The following PDE4D variants were observed in gnomAD, a reference collection of about 807,000 sequenced individuals.
The protein encoded by PDE4D is 3',5'-cyclic-AMP phosphodiesterase 4D.
A neutral mutation model predicts 87.4 loss-of-function variants in PDE4D; 24 were observed. The ratio of observed to expected loss-of-function variants is 0.27; its 90% CI spans 0.20 to 0.39. The LOEUF (loss-of-function observed/expected upper bound fraction) is 0.39, where lower values mean the gene tolerates loss of function less well. Among genes scored for constraint, PDE4D ranks in the 10% least tolerant of loss-of-function variants. The probability of loss-of-function intolerance (pLI) is 1.00; values close to 1 mark genes in which losing one functional copy is unlikely to be tolerated. For missense variants in PDE4D, 714 were observed against 1,041.0 expected (o/e 0.69, Z 4.32); for synonymous variants, 384 against 383.2 (o/e 1.00, Z -0.02).
chr5:59,468,207 A>G lies in PDE4D; in HGVS notation c.456-252239T>C, dbSNP rs148772725. On this transcript the variant is annotated intron_variant, in intron 1 of 14. Coordinates refer to ENST00000340635, the MANE Select transcript of PDE4D (RefSeq NM_001104631.2). The stretch of plus-strand genomic sequence containing the variant: ...TTTTCTTTTTACTTGCACGGCAACA[A>G]TCCCTCCCCACCCTCCCCGCATCTT... 1.7e-3 allele frequency among the ~76,000 whole-genome samples: 266 copies of G among 152,012 alleles called. 1 individual carries two copies. The highest frequency in any genetic ancestry group is 6.2e-3 in the African/African-American group (258 of 41,466).
intron 1 of PDE4D, among the ~76,000 whole-genome samples, chr5:59,382,611 C>T (rs1180148865): frequency 6.6e-6 from 1 of 152,072 alleles, no homozygotes; most frequent in African/African-American, 2.4e-5. Context: ...TTCTCATAGT[C>T]CATAGGGTCA....
At chr5:59,335,601 T>C (rs146916132) in intron 1 of PDE4D, among the ~76,000 whole-genome samples, 1 of 152,352 alleles carries the variant, frequency 6.6e-6, no homozygotes, top group Non-Finnish European at 1.5e-5. Flanking sequence ...AAAAGAATGA[T>C]GAAGACTTTT....
intron 5 of PDE4D, among the ~76,000 whole-genome samples, chr5:59,053,703 C>T (rs1270747700): frequency 8.3e-6 from 1 of 120,812 alleles, no homozygotes; most frequent in Non-Finnish European, 1.6e-5. Flanking sequence ...TGCCTGTAAT[C>T]CCAGCACTTT....
intron 3 of PDE4D, among the ~76,000 whole-genome samples, chr5:59,930,555 A>G (rs1755803455): frequency 6.6e-6 from 1 of 152,210 alleles, no homozygotes; most frequent in Non-Finnish European, 1.5e-5. Flanking sequence ...TCTGACCTCC[A>G]GAGCTGTGAG....
At chr5:59,822,449 T>A (rs1340232259) in intron 1 of PDE4D, among the ~76,000 whole-genome samples, 1 of 152,246 alleles carries the variant, frequency 6.6e-6, no homozygotes, top group African/African-American at 2.4e-5. Flanking sequence ...GAATTTGTTA[T>A]ATTTCATTTT....
At chr5:59,788,341 C>A (rs987526153) in intron 1 of PDE4D, among the ~76,000 whole-genome samples, 2 of 152,158 alleles carry the variant, frequency 1.3e-5, no homozygotes, top group African/African-American at 4.8e-5. Context: ...GCACATAGAG[C>A]TGAGCCCAAT....
intron 2 of PDE4D, chr5:60,032,700 T>C (rs1767372395): frequency 6.6e-6 from 1 of 152,178 alleles, no homozygotes; most frequent in African/African-American, 2.4e-5. Flanking sequence ...TGAGGTAACA[T>C]GTGAAGCACT....
At chr5:59,592,257 C>G in intron 1 of PDE4D, 2 of 503,390 alleles carry the variant, frequency 4.0e-6, no homozygotes, top group Non-Finnish European at 5.1e-6. Context: ...TGACTTTCCA[C>G]TCCTGGCAAG....
intron 1 of PDE4D, among the ~76,000 whole-genome samples, chr5:59,551,304 C>A (rs1000510479): frequency 5.4e-5 from 8 of 149,034 alleles, no homozygotes; most frequent in Non-Finnish European, 7.4e-5. Context: ...TTAATGAAAT[C>A]TTTATTTAAA....
intron 1 of PDE4D, among the ~76,000 whole-genome samples, chr5:59,378,860 T>G (rs1023186852): frequency 1.3e-5 from 2 of 152,156 alleles, no homozygotes; most frequent in African/African-American, 4.8e-5. Context: ...TTCAGACCCC[T>G]GCTGTCTCTC....
chr5:60,353,237 A>C (rs1370982136), intron 1 of PDE4D, among the ~76,000 whole-genome samples: 1 of 152,186 alleles, frequency 6.6e-6, no homozygotes. Context: ...AAACACCAGC[A>C]AGGAAGCCAG....
chr5:59,782,292 G>A (rs900680710), intron 1 of PDE4D, among the ~76,000 whole-genome samples: 21 of 152,196 alleles, frequency 1.4e-4, no homozygotes, highest in Non-Finnish European at 2.6e-4. Flanking sequence ...GTTTCTAGAT[G>A]TGAGGCCTTT....
intron 1 of PDE4D, among the ~76,000 whole-genome samples, chr5:59,689,894 T>G (rs978356250): frequency 1.5e-4 from 23 of 152,160 alleles, no homozygotes; most frequent in African/African-American, 5.6e-4. Context: ...AAAATCAATG[T>G]GCAAAAATCA....
chr5:59,514,078 G>A (rs1810734107), intron 1 of PDE4D, among the ~76,000 whole-genome samples: 1 of 151,530 alleles, frequency 6.6e-6, no homozygotes, highest in South Asian at 2.1e-4. Context: ...GCCATTAAGT[G>A]ACAAAGCCAA....
chr5:59,027,679 C>T (rs1580379639), intron 6 of PDE4D, among the ~76,000 whole-genome samples: 1 of 152,202 alleles, frequency 6.6e-6, no homozygotes, highest in Middle Eastern at 3.4e-3. Context: ...TCAGTATATT[C>T]CCACGGGTGT....
chr5:59,332,050 G>C (rs967980735), intron 1 of PDE4D, among the ~76,000 whole-genome samples: 1 of 152,076 alleles, frequency 6.6e-6, no homozygotes, highest in Non-Finnish European at 1.5e-5. Context: ...TATGAATAGA[G>C]AGCTCCTTAG....
chr5:59,948,060 T>C (rs1177833793), intron 3 of PDE4D, among the ~76,000 whole-genome samples: 1 of 152,194 alleles, frequency 6.6e-6, no homozygotes, highest in African/African-American at 2.4e-5. Context: ...ATGCTTGATA[T>C]ACTGATATAC....
At chr5:60,221,714 T>C (rs1445275425) in intron 1 of PDE4D, among the ~76,000 whole-genome samples, 1 of 152,144 alleles carries the variant, frequency 6.6e-6, no homozygotes, top group Non-Finnish European at 1.5e-5. Context: ...ATGGTATATA[T>C]TATCTTTTTC....
At chr5:60,288,427 A>G (rs536184545) in intron 1 of PDE4D, among the ~76,000 whole-genome samples, 34 of 152,344 alleles carry the variant, frequency 2.2e-4, no homozygotes, top group African/African-American at 7.0e-4. Flanking sequence ...GAAAAGTTTG[A>G]CATCTTTTCA....
Sources: allele counts gnomAD v4.1 joint callset (sites outside exome capture counted in the v4.1 genomes callset), GRCh38; gene constraint gnomAD v4.1.1; transcripts MANE v1.5; gene names NCBI Gene and HGNC (gene_info 2026-07-23, HGNC 2026-07-21).